Variants in CDH12 observed in about 807,000 individuals in gnomAD.
CDH12 encodes the protein cadherin 12, also known as cadherin-12.
CDH12 carries 41 observed loss-of-function variants against 74.1 expected under a neutral mutation model. That is an observed-to-expected ratio of 0.55 (90% CI 0.43 to 0.72). The LOEUF is 0.72. Among genes scored for constraint, CDH12 ranks in the 30% least tolerant of loss-of-function variants. The pLI, the probability that CDH12 is intolerant of heterozygous loss-of-function variation, is 0.00. For synonymous variants in CDH12, 399 were observed against 355.0 expected, an observed-to-expected ratio of 1.12 and a Z score of -1.39; for missense variants, 945 against 977.2, an observed-to-expected ratio of 0.97 and a Z score of 0.44.
At chr5:22,131,590 A>C (rs1037895132) in intron 4 of CDH12, among the ~76,000 whole-genome samples, 1 of 152,122 alleles carries the variant, frequency 6.6e-6, no homozygotes, top group African/African-American at 2.4e-5. Flanking sequence ...TTGTTGAGAG[A>C]TAGCCACATC....
chr5:21,951,901 T>C (rs1755878783), intron 6 of CDH12, among the ~76,000 whole-genome samples: 1 of 152,140 alleles, frequency 6.6e-6, no homozygotes, highest in African/African-American at 2.4e-5. Context: ...TACATCTTCA[T>C]TCAGACTTGA....
chr5:21,854,811 A>C (rs761249063), intron 6 of CDH12, 21 bp from the exon 7 acceptor site: 23 of 1,593,478 alleles, frequency 1.4e-5, no homozygotes, highest in Non-Finnish European at 1.9e-5. Flanking sequence ...AGACAATATC[A>C]CTCTAGCATT....
At chr5:21,760,041 A>G (rs1234280386) in intron 13 of CDH12, among the ~76,000 whole-genome samples, 1 of 152,138 alleles carries the variant, frequency 6.6e-6, no homozygotes, top group Non-Finnish European at 1.5e-5. Flanking sequence ...GCTGCATAGC[A>G]TTCCATGGTG....
At chr5:22,446,709 C>G (rs924658275) in intron 2 of CDH12, among the ~76,000 whole-genome samples, 4 of 151,908 alleles carry the variant, frequency 2.6e-5, no homozygotes, top group African/African-American at 7.3e-5. Flanking sequence ...ATTGTCCAAT[C>G]GATTTATTTC....
At chr5:22,310,980 A>T (rs1738364271) in intron 3 of CDH12, among the ~76,000 whole-genome samples, 1 of 152,200 alleles carries the variant, frequency 6.6e-6, no homozygotes, top group Non-Finnish European at 1.5e-5. Context: ...TAATTCTTAG[A>T]TTATTTGCAT....
chr5:22,062,088 T>C (rs940487589), intron 5 of CDH12, among the ~76,000 whole-genome samples: 2 of 152,112 alleles, frequency 1.3e-5, no homozygotes, highest in South Asian at 4.1e-4. Flanking sequence ...AGTGCTCAAA[T>C]CTTAGTGTTC....
intron 4 of CDH12, among the ~76,000 whole-genome samples, chr5:22,211,349 T>TA (rs1223528286): frequency 5.3e-5 from 8 of 152,194 alleles, no homozygotes; most frequent in Non-Finnish European, 1.2e-4. Flanking sequence ...CGTGATATTT[T>TA]AAATAATGTT....
At chr5:21,789,549 T>G (rs930434432) in intron 10 of CDH12, among the ~76,000 whole-genome samples, 1 of 152,192 alleles carries the variant, frequency 6.6e-6, no homozygotes, top group Non-Finnish European at 1.5e-5. Flanking sequence ...CATTTATTTT[T>G]GTTTCACTGG....
At chr5:22,228,795 G>T (rs1035492495) in intron 3 of CDH12, among the ~76,000 whole-genome samples, 30 of 130,840 alleles carry the variant, frequency 2.3e-4, no homozygotes, top group Non-Finnish European at 4.2e-4. Context: ...AATTTATTAT[G>T]TTCTAAAAAA....
intron 2 of CDH12, among the ~76,000 whole-genome samples, chr5:22,446,370 A>G (rs1344936134): frequency 2.6e-5 from 4 of 152,114 alleles, no homozygotes; most frequent in African/African-American, 9.6e-5. Flanking sequence ...TTTAACCAAT[A>G]CACATGCTAG....
intron 6 of CDH12, among the ~76,000 whole-genome samples, chr5:21,925,332 G>A (rs992284977): frequency 6.6e-6 from 1 of 152,136 alleles, no homozygotes; most frequent in African/African-American, 2.4e-5. Flanking sequence ...ATTTGACTAA[G>A]TGGACCCTTC....
intron 8 of CDH12, among the ~76,000 whole-genome samples, chr5:21,836,824 T>C (rs1187794480): frequency 6.6e-6 from 1 of 151,996 alleles, no homozygotes; most frequent in African/African-American, 2.4e-5. Flanking sequence ...AGATGGAAGC[T>C]ATTTAATTCT....
At chr5:22,076,319 T>C (rs1742312129) in intron 5 of CDH12, among the ~76,000 whole-genome samples, 1 of 152,144 alleles carries the variant, frequency 6.6e-6, no homozygotes, top group Admixed American at 6.6e-5. Context: ...AAGCAAAAAC[T>C]TGCATATACA....
intron 8 of CDH12, among the ~76,000 whole-genome samples, chr5:21,841,952 T>C (rs1749881819): frequency 6.6e-6 from 1 of 151,266 alleles, no homozygotes; most frequent in Non-Finnish European, 1.5e-5. Flanking sequence ...GGCACATGTA[T>C]ACATATGTAA....
intron 1 of CDH12, among the ~76,000 whole-genome samples, chr5:22,716,248 G>A (rs1743571996): frequency 6.6e-6 from 1 of 152,124 alleles, no homozygotes; most frequent in Admixed American, 6.6e-5. Context: ...GAAGAGAGGA[G>A]CAGAGCCTTT....
chr5:22,298,328 G>T (rs1397034652), intron 3 of CDH12, among the ~76,000 whole-genome samples: 1 of 151,510 alleles, frequency 6.6e-6, no homozygotes. Context: ...CCAACTGGTG[G>T]TATGTTTAAA....
chr5:22,689,811 A>G (rs1249697216), intron 1 of CDH12, among the ~76,000 whole-genome samples: 2 of 152,218 alleles, frequency 1.3e-5, no homozygotes, highest in Non-Finnish European at 2.9e-5. Flanking sequence ...GTAGAAATAC[A>G]TTGTGATCTT....
chr5:22,473,240 A>G (rs960794416), intron 2 of CDH12, among the ~76,000 whole-genome samples: 1 of 152,068 alleles, frequency 6.6e-6, no homozygotes, highest in African/African-American at 2.4e-5. Context: ...CGAACTCCCC[A>G]TATAAAGAGA....
intron 1 of CDH12, among the ~76,000 whole-genome samples, chr5:22,840,385 G>A (rs1005766187): frequency 3.3e-5 from 5 of 152,110 alleles, no homozygotes; most frequent in African/African-American, 1.2e-4. Flanking sequence ...GACTCCCAAA[G>A]TGCTGGGATT....
Sources: allele counts gnomAD v4.1 joint callset (sites outside exome capture counted in the v4.1 genomes callset), GRCh38; gene constraint gnomAD v4.1.1; transcripts MANE v1.5; gene names NCBI Gene and HGNC (gene_info 2026-07-23, HGNC 2026-07-21).